DLGAP2: variants seen among roughly 807,000 people sequenced by gnomAD.
DLGAP2 encodes the protein disks large-associated protein 2.
A neutral mutation model predicts 100.3 loss-of-function variants in DLGAP2; 26 were observed. That is an observed-to-expected ratio of 0.26 (90% CI 0.19 to 0.36). DLGAP2 has a LOEUF of 0.36. Ranked by LOEUF, DLGAP2 falls within the 10% of genes least tolerant of loss-of-function variation. The pLI is 1.00. For missense variants in DLGAP2, 1,858 were observed against 1,453.2 expected (o/e 1.28, Z -4.53); for synonymous variants, 886 against 630.1 (o/e 1.41, Z -6.08).
intron 1 of DLGAP2, among the ~76,000 whole-genome samples, chr8:872,192 T>C (rs923792265): frequency 2.6e-5 from 4 of 152,264 alleles, no homozygotes; most frequent in Non-Finnish European, 4.4e-5. Flanking sequence ...AGGTTCATTT[T>C]TAATAATGTA....
At chr8:1,443,666 G>T (rs989168225) in intron 3 of DLGAP2, among the ~76,000 whole-genome samples, 1 of 152,218 alleles carries the variant, frequency 6.6e-6, no homozygotes, top group African/African-American at 2.4e-5. Flanking sequence ...CATGGTGGCA[G>T]AGAAGACGGC....
chr8:1,183,453 C>T (rs1312036887), intron 2 of DLGAP2, among the ~76,000 whole-genome samples: 1 of 152,172 alleles, frequency 6.6e-6, no homozygotes, highest in Non-Finnish European at 1.5e-5. Context: ...CTATAGAATG[C>T]ACTGCTAAGA....
intron 2 of DLGAP2, among the ~76,000 whole-genome samples, chr8:1,012,657 C>G (rs527731134): frequency 0.011 from 1,539 of 135,422 alleles, 13 homozygotes; most frequent in Non-Finnish European, 0.017. Context: ...ACCAGCCCCC[C>G]ACTTCAGCGG....
chr8:1,135,409 G>A (rs1796384720), intron 2 of DLGAP2, among the ~76,000 whole-genome samples: 1 of 151,856 alleles, frequency 6.6e-6, no homozygotes, highest in Admixed American at 6.6e-5. Flanking sequence ...CTTTGAGGGT[G>A]CGTCAGTGGA....
chr8:1,441,454 C>T (rs1019954984), intron 3 of DLGAP2, among the ~76,000 whole-genome samples: 2 of 151,972 alleles, frequency 1.3e-5, no homozygotes, highest in African/African-American at 2.4e-5. Flanking sequence ...CTTTGGGAGG[C>T]CGAGGTGGGC....
At chr8:1,529,705 G>T (rs1437520869) in intron 4 of DLGAP2, among the ~76,000 whole-genome samples, 14 of 152,194 alleles carry the variant, frequency 9.2e-5, no homozygotes, top group Admixed American at 8.5e-4. Flanking sequence ...ATTACTCTTT[G>T]AACAGACACT....
rs377721305 is a variant in DLGAP2 at position 1,607,509 on chromosome 8, T to C, written c.1443-19231T>C. The stretch of plus-strand genomic sequence containing the variant: ...TTCACAGTTGAAATATAAAGCAATT[T>C]GAGGAAAATAAGATTTTTAGAAAGA... On this transcript the variant is annotated intron_variant, in intron 6 of 14. Transcript: ENST00000637795. 2.2e-4 allele frequency among the ~76,000 whole-genome samples: 33 copies of C among 152,364 alleles called. No homozygotes were observed. The East Asian group carries it at 2.7e-3, about 12-fold the overall frequency.
rs772063445 is a variant in DLGAP2, at chr8:1,549,011, C to T, written c.558C>T (p.Asn186=). Residue 186 remains asparagine (N), a synonymous_variant, in exon 5 of 15, where the codon AAC becomes AAT. Coordinates refer to ENST00000637795, the MANE Select transcript of DLGAP2 (RefSeq NM_001346810.2). ...CAVAHAGAKI[N]RIPANLLDQF... ...TGGCCCACGCGGGCGCCAAGATCAA[C>T]CGCATCCCGGCCAACCTGCTGGACC... is the stretch of plus-strand genomic sequence containing the variant. 6.3e-7 allele frequency: 1 copy of T among 1,598,098 alleles called. No homozygotes were observed. The highest frequency in any genetic ancestry group is 8.5e-7 in the Non-Finnish European group (1 of 1,178,128).
chr8:1,485,627 T>C (rs1464743132), intron 3 of DLGAP2, among the ~76,000 whole-genome samples: 3 of 152,170 alleles, frequency 2.0e-5, no homozygotes, highest in African/African-American at 7.2e-5. Context: ...CAGTTCCCCC[T>C]CCCAGCTCCC....
At chr8:1,699,744 G>A (rs998803428) in intron 14 of DLGAP2, among the ~76,000 whole-genome samples, 1 of 152,192 alleles carries the variant, frequency 6.6e-6, no homozygotes, top group Non-Finnish European at 1.5e-5. Flanking sequence ...TCCTGAACAC[G>A]GCGTCTTAAA....
At chr8:935,941 G>T (rs945452298) in intron 2 of DLGAP2, among the ~76,000 whole-genome samples, 1 of 152,168 alleles carries the variant, frequency 6.6e-6, no homozygotes, top group African/African-American at 2.4e-5. Context: ...TAAGAGTGGG[G>T]ACATTTAACA....
chr8:969,999 G>A (rs1799973920), intron 2 of DLGAP2, among the ~76,000 whole-genome samples: 1 of 152,124 alleles, frequency 6.6e-6, no homozygotes, highest in South Asian at 2.1e-4. Context: ...ACAAATGAGT[G>A]AAATTCTGAC....
chr8:1,447,736 A>G (rs1301513600), intron 3 of DLGAP2, among the ~76,000 whole-genome samples: 3 of 152,128 alleles, frequency 2.0e-5, no homozygotes, highest in Non-Finnish European at 4.4e-5. Flanking sequence ...TTGGTTGGTA[A>G]GCTATTGATT....
chr8:1,222,579 G>A (rs1798336467), intron 2 of DLGAP2, among the ~76,000 whole-genome samples: 1 of 152,094 alleles, frequency 6.6e-6, no homozygotes, highest in African/African-American at 2.4e-5. Context: ...TGGCAAGATA[G>A]CAGGGGGAGT....
chr8:1,225,628 A>C (rs1252737516), intron 2 of DLGAP2, among the ~76,000 whole-genome samples: 1 of 152,234 alleles, frequency 6.6e-6, no homozygotes, highest in Non-Finnish European at 1.5e-5. Context: ...TATCATGAAC[A>C]CTTTTAAGCC....
chr8:1,693,712 A>G (rs1799310410), intron 13 of DLGAP2, among the ~76,000 whole-genome samples: 1 of 152,178 alleles, frequency 6.6e-6, no homozygotes, highest in South Asian at 2.1e-4. Flanking sequence ...AATACTTTCC[A>G]ATCAACCCCA....
chr8:1,456,576 C>T (rs1186598084), intron 3 of DLGAP2, among the ~76,000 whole-genome samples: 2 of 152,192 alleles, frequency 1.3e-5, no homozygotes, highest in Non-Finnish European at 2.9e-5. Flanking sequence ...TTATCAGAAG[C>T]ATCACCTTTT....
At chr8:801,482 G>A (rs1400855294) in intron 1 of DLGAP2, among the ~76,000 whole-genome samples, 1 of 152,236 alleles carries the variant, frequency 6.6e-6, no homozygotes, top group African/African-American at 2.4e-5. Flanking sequence ...TACTTTCAGA[G>A]CATGTGCGTT....
chr8:1,586,392 C>T (rs573641746), intron 6 of DLGAP2, among the ~76,000 whole-genome samples: 10 of 152,306 alleles, frequency 6.6e-5, no homozygotes, highest in South Asian at 4.1e-4. Context: ...GCCAGCTGGA[C>T]GGGGTGTGGG....
Sources: allele counts gnomAD v4.1 joint callset (sites outside exome capture counted in the v4.1 genomes callset), GRCh38; gene constraint gnomAD v4.1.1; transcripts MANE v1.5; gene names NCBI Gene and HGNC (gene_info 2026-07-23, HGNC 2026-07-21).